Variants in SLC8A1 observed in about 807,000 individuals in gnomAD.
The protein encoded by SLC8A1 is sodium/calcium exchanger 1.
A neutral mutation model predicts 68.3 loss-of-function variants in SLC8A1; 18 were observed. The observed-to-expected ratio is 0.26, with a 90% CI of 0.18 to 0.39. SLC8A1 has a LOEUF of 0.39. Among genes scored for constraint, SLC8A1 ranks in the 10% least tolerant of loss-of-function variants. The pLI is 1.00. For synonymous variants in SLC8A1, 475 were observed against 415.5 expected (o/e 1.14, Z -1.74); for missense variants, 985 against 1,156.7 (o/e 0.85, Z 2.15).
exon 2 of SLC8A1, chr2:40,429,027 A>G: frequency 6.2e-7 from 1 of 1,613,412 alleles, no homozygotes; most frequent in Non-Finnish European, 8.5e-7. Context: ...AGTTCTCCAG[A>G]CACTGATATG....
chr2:40,136,935 A>G (rs2040609011), intron 7 of SLC8A1, among the ~76,000 whole-genome samples: 1 of 152,334 alleles, frequency 6.6e-6, no homozygotes, highest in East Asian at 1.9e-4. Flanking sequence ...AATTCTCTCA[A>G]TAACAGCACA....
chr2:40,383,875 A>G (rs890738542), intron 2 of SLC8A1, among the ~76,000 whole-genome samples: 2 of 152,154 alleles, frequency 1.3e-5, no homozygotes, highest in African/African-American at 2.4e-5. Flanking sequence ...TAGAGATACA[A>G]TGTAGTCCTA....
intron 2 of SLC8A1, among the ~76,000 whole-genome samples, chr2:40,257,072 T>C (rs1211689219): frequency 6.6e-6 from 1 of 152,136 alleles, no homozygotes; most frequent in Non-Finnish European, 1.5e-5. Flanking sequence ...TCATAACAAA[T>C]ATACATATCT....
At chr2:40,347,720 G>A (rs1669789241) in intron 2 of SLC8A1, among the ~76,000 whole-genome samples, 1 of 152,118 alleles carries the variant, frequency 6.6e-6, no homozygotes, top group Admixed American at 6.5e-5. Flanking sequence ...GAAATATTGT[G>A]TATTAATTTA....
At chr2:40,434,756 A>T (rs1699065305) in intron 1 of SLC8A1, among the ~76,000 whole-genome samples, 1 of 152,174 alleles carries the variant, frequency 6.6e-6, no homozygotes, top group Non-Finnish European at 1.5e-5. Context: ...ATCACTATTT[A>T]TTTTAAAACA....
intron 2 of SLC8A1, among the ~76,000 whole-genome samples, chr2:40,196,457 G>T (rs776117742): frequency 6.6e-6 from 1 of 151,974 alleles, no homozygotes; most frequent in Non-Finnish European, 1.5e-5. Flanking sequence ...AGACCAGTGG[G>T]TCCTGAGATC....
intron 1 of SLC8A1, among the ~76,000 whole-genome samples, chr2:40,443,591 TTCTC>T (rs765111693): frequency 6.6e-6 from 1 of 152,182 alleles, no homozygotes; most frequent in African/African-American, 2.4e-5. Flanking sequence ...ACAAGACTTT[TTCTC>T]TCTGAGGTCA....
intron 2 of SLC8A1, 142 bp downstream of exon 3, chr2:40,178,245 G>A (rs2048833364): frequency 1.4e-5 from 10 of 701,884 alleles, no homozygotes; most frequent in African/African-American, 5.3e-5. Flanking sequence ...CCTGCCTACT[G>A]TGGCTCAGCA....
chr2:40,209,580 T>C (rs1265400890), intron 2 of SLC8A1, among the ~76,000 whole-genome samples: 2 of 152,110 alleles, frequency 1.3e-5, no homozygotes, highest in Non-Finnish European at 2.9e-5. Flanking sequence ...CTAGCTACTC[T>C]GTGGAGAACA....
At chr2:40,228,810 G>GTGTC (rs1279201177) in intron 2 of SLC8A1, among the ~76,000 whole-genome samples, 2 of 152,184 alleles carry the variant, frequency 1.3e-5, no homozygotes, top group Non-Finnish European at 2.9e-5. Flanking sequence ...CCAAGGTGAG[G>GTGTC]TGTCAGGGGT....
At chr2:40,154,564 T>C (rs757772286) in intron 6 of SLC8A1, among the ~76,000 whole-genome samples, 2 of 150,180 alleles carry the variant, frequency 1.3e-5, no homozygotes, top group Non-Finnish European at 3.0e-5. Context: ...TCTGACCTCA[T>C]GATCCGCCTG....
At chr2:40,250,790 TG>T (rs937814242) in intron 2 of SLC8A1, among the ~76,000 whole-genome samples, 3 of 152,172 alleles carry the variant, frequency 2.0e-5, no homozygotes, top group African/African-American at 7.2e-5. Context: ...GAAAGGCAAA[TG>T]GGATGTTTTC....
At chr2:40,224,093 G>A (rs1244596353) in intron 2 of SLC8A1, among the ~76,000 whole-genome samples, 11 of 152,094 alleles carry the variant, frequency 7.2e-5, no homozygotes, top group African/African-American at 2.4e-5. Context: ...CGCTTCGTAG[G>A]GACTCATACA....
At chr2:40,400,805 G>T (rs1417732650) in intron 2 of SLC8A1, among the ~76,000 whole-genome samples, 1 of 152,282 alleles carries the variant, frequency 6.6e-6, no homozygotes, top group East Asian at 1.9e-4. Context: ...TGGAGCATCT[G>T]CCTTCTAAGG....
chr2:40,420,385 C>G (rs1291997799), intron 2 of SLC8A1, among the ~76,000 whole-genome samples: 1 of 148,262 alleles, frequency 6.7e-6, no homozygotes, highest in Non-Finnish European at 1.5e-5. Context: ...GACCAAGAAA[C>G]TGCTATTTCA....
At chr2:40,370,314 C>T (rs1677619240) in intron 2 of SLC8A1, among the ~76,000 whole-genome samples, 1 of 152,060 alleles carries the variant, frequency 6.6e-6, no homozygotes, top group Admixed American at 6.6e-5. Context: ...ACACCAGAAC[C>T]CTAGGGAATC....
intron 2 of SLC8A1, among the ~76,000 whole-genome samples, chr2:40,260,462 C>T (rs528204958): frequency 6.6e-6 from 1 of 152,228 alleles, no homozygotes; most frequent in South Asian, 2.1e-4. Context: ...TTGACTTAGG[C>T]TGATCAGAAA....
exon 8 of SLC8A1, chr2:40,099,834 T>G (rs1416159020): frequency 6.6e-6 from 1 of 152,196 alleles, no homozygotes; most frequent in East Asian, 1.9e-4. Context: ...AAGTCCTAGA[T>G]TCATTTCCTA....
At chr2:40,321,143 G>A (rs189034820) in intron 2 of SLC8A1, among the ~76,000 whole-genome samples, 1 of 152,106 alleles carries the variant, frequency 6.6e-6, no homozygotes, top group African/African-American at 2.4e-5. Context: ...ACAAATTAAA[G>A]GGGATATGAG....
Sources: allele counts gnomAD v4.1 joint callset (sites outside exome capture counted in the v4.1 genomes callset), GRCh38; gene constraint gnomAD v4.1.1; transcripts MANE v1.5; gene names NCBI Gene and HGNC (gene_info 2026-07-23, HGNC 2026-07-21).